MYPN: variants seen among roughly 807,000 people sequenced by gnomAD.
The protein encoded by MYPN is sarcomeric protein myopalladin, 145 kDa (MYOP).
In MYPN, 63 loss-of-function variants were observed where a neutral mutation model predicts 129.4. That is an observed-to-expected ratio of 0.49 (90% CI 0.40 to 0.60). The LOEUF (loss-of-function observed/expected upper bound fraction) is 0.60. Ranked by LOEUF, MYPN falls within the 20% of genes least tolerant of loss-of-function variation. The pLI is 0.00. For missense variants in MYPN, 1,596 were observed against 1,635.4 expected, an observed-to-expected ratio of 0.98 and a Z score of 0.42; for synonymous variants, 629 against 600.9, an observed-to-expected ratio of 1.05 and a Z score of -0.68.
intron 1 of MYPN, among the ~76,000 whole-genome samples, chr10:68,111,618 A>ATT: frequency 6.6e-6 from 1 of 152,252 alleles, no homozygotes; most frequent in Non-Finnish European, 1.5e-5. Context: ...TAGAGACTAA[A>ATT]TGGTCTGTTT....
intron 1 of MYPN, among the ~76,000 whole-genome samples, chr10:68,100,901 T>C (rs562769137): frequency 6.6e-6 from 1 of 150,644 alleles, no homozygotes; most frequent in Non-Finnish European, 1.5e-5. Flanking sequence ...TATTTTTGTG[T>C]TAAAAAAAAT....
At chr10:68,148,980 C>A (rs2042718769) in intron 5 of MYPN, among the ~76,000 whole-genome samples, 1 of 152,158 alleles carries the variant, frequency 6.6e-6, no homozygotes. Flanking sequence ...GATCTCAGCA[C>A]TTTGGGAGGC....
rs538835247 is a variant in MYPN at position 68,094,233 on chromosome 10, C to T, written c.-2+6241C>T. ...AATGCCTAATCTGCTGGGAATGCAG[C>T]CCAGCAGGTCTCGGCCTTATTTTAT... On this transcript the variant is annotated intron_variant, in intron 1 of 6. Coordinates refer to the MYPN transcript ENST00000685154. Among the ~76,000 whole-genome samples, 14 of 152,020 alleles carry T rather than the reference C, an allele frequency of 9.2e-5. No homozygotes were observed. In the South Asian group the frequency reaches 2.7e-3, roughly 29 times the overall value.
intron 4 of MYPN, among the ~76,000 whole-genome samples, chr10:68,147,594 A>C (rs1051355998): frequency 2.6e-5 from 4 of 152,148 alleles, no homozygotes; most frequent in African/African-American, 9.7e-5. Context: ...CCAAATCCCA[A>C]GTTCTCTTCA....
chr10:68,203,180 G>C (rs879557517), intron 18 of MYPN, among the ~76,000 whole-genome samples: 2 of 152,100 alleles, frequency 1.3e-5, no homozygotes, highest in Non-Finnish European at 2.9e-5. Flanking sequence ...GGGAGGAGGA[G>C]TGACTGAGAT....
intron 12 of MYPN, among the ~76,000 whole-genome samples, chr10:68,188,668 C>T (rs1461068986): frequency 6.6e-6 from 1 of 152,154 alleles, no homozygotes; most frequent in African/African-American, 2.4e-5. Flanking sequence ...TCTCCTGGGG[C>T]TGCATGCTCA....
chr10:68,102,350 A>G (rs2041985932), upstream of MYPN, among the ~76,000 whole-genome samples: 1 of 151,994 alleles, frequency 6.6e-6, no homozygotes, highest in East Asian at 1.9e-4. Context: ...GCTGGTCTCA[A>G]ACTCCTAGGC....
chr10:68,161,167 C>A (rs4746731), intron 7 of MYPN, among the ~76,000 whole-genome samples: 61,525 of 151,860 alleles, frequency 0.41, 14,281 homozygotes, highest in Non-Finnish European at 0.52. Flanking sequence ...CAAGTGAAAC[C>A]CAGATTTATT....
chr10:68,110,442 T>TAG (rs1458340944), intron 1 of MYPN, among the ~76,000 whole-genome samples: 1 of 152,186 alleles, frequency 6.6e-6, no homozygotes, highest in Non-Finnish European at 1.5e-5. Context: ...TATTATGTAT[T>TAG]TCCAGTCCTC....
chr10:68,105,679 C>G (rs1164275514), upstream of MYPN, among the ~76,000 whole-genome samples: 1 of 152,156 alleles, frequency 6.6e-6, no homozygotes, highest in Non-Finnish European at 1.5e-5. Flanking sequence ...ATTTAATCAC[C>G]TTAAAATTAG....
chr10:68,166,268 C>T (rs756239872), intron 9 of MYPN, 26 bp from the exon 10 acceptor site: 2 of 1,613,820 alleles, frequency 1.2e-6, no homozygotes, highest in Non-Finnish European at 1.7e-6. Context: ...TGGCTGACAG[C>T]TCAGGTCCTG....
chr10:68,141,219 A>G (rs1271669951), intron 2 of MYPN, among the ~76,000 whole-genome samples: 2 of 147,594 alleles, frequency 1.4e-5, no homozygotes, highest in South Asian at 4.3e-4. Context: ...AAATACAAAA[A>G]TTAGCTGGGC....
intron 12 of MYPN, among the ~76,000 whole-genome samples, chr10:68,187,085 T>C (rs2134250224): frequency 6.6e-6 from 1 of 152,076 alleles, no homozygotes; most frequent in Non-Finnish European, 1.5e-5. Flanking sequence ...AGAGTAACCA[T>C]TCAGGGCTGG....
intron 2 of MYPN, among the ~76,000 whole-genome samples, chr10:68,133,605 T>G (rs2042443287): frequency 6.6e-6 from 1 of 152,030 alleles, no homozygotes; most frequent in Admixed American, 6.6e-5. Context: ...AGAGGACTGT[T>G]GCAGCATAAG....
At position 68,197,474 on chromosome 10, in the gene MYPN, G is replaced by A. The variant is rs773648716; in HGVS notation, c.3281G>A (p.Cys1094Tyr). The A allele has an allele frequency of 5.0e-6, 8 of 1,613,576 alleles. No individual in the cohort carries two copies. The South Asian group carries it at 6.6e-5, about 13-fold the overall frequency. ...AHEGRLCRLD[C>Y]KVSGLPPPEL... The stretch of plus-strand genomic sequence containing the variant: ...GAGGGGCGCCTCTGTCGGCTGGACT[G>A]TAAGGTAGACTCCAGCACCCATGCT... The change falls in exon 16 of 20, where the codon TGT (cysteine) becomes TAT (tyrosine). Residue 1094 changes from cysteine to tyrosine, a missense_variant. Physicochemically the swap from Cys to Tyr is radical, Grantham distance 194. Coordinates refer to ENST00000358913, the MANE Select transcript of MYPN (RefSeq NM_032578.4).
chr10:68,166,509 GA>G lies in MYPN; in HGVS notation c.1817del (p.Asp606AlafsTer13), dbSNP rs761782344. 6.2e-7 allele frequency: 1 copy of G among 1,614,144 alleles called. No individual in the cohort carries two copies. The highest frequency in any genetic ancestry group is 1.7e-5 in the Admixed American group (1 of 60,018). ...TGTGCACTTCAACCTGCCTGAAGAT[GA>G]CAAAGGAAGTGAAGCATCCTCCGAG... is the stretch of plus-strand genomic sequence containing the variant. ...LRVHFNLPED[D>X]KGSEASSEAG... On this transcript the variant is annotated frameshift_variant, in exon 10 of 20. Coordinates refer to ENST00000358913, the MANE Select transcript of MYPN (RefSeq NM_032578.4). LOFTEE classifies it high-confidence loss of function.
intron 3 of MYPN, among the ~76,000 whole-genome samples, chr10:68,144,515 C>A (rs2042630218): frequency 6.6e-6 from 1 of 152,008 alleles, no homozygotes; most frequent in Non-Finnish European, 1.5e-5. Flanking sequence ...GTGTTTTTAT[C>A]CTCACATTTT....
At chr10:68,201,801 A>G (rs775263447) in intron 17 of MYPN, 28 bp from the exon 18 acceptor site, 3 of 1,611,420 alleles carry the variant, frequency 1.9e-6, no homozygotes, top group Non-Finnish European at 2.5e-6. Context: ...AAAAGAAAGA[A>G]AAAAAGAATG....
At position 68,211,241 on chromosome 10, in the gene MYPN, A is replaced by C; in HGVS notation, c.*786A>C. ...ATTGGTAATAAACCAATCAGAAAGA[A>C]ATCCTCTGTGGGGTCACTTTAAAAA... On this transcript the variant is annotated 3_prime_UTR_variant, in exon 20 of 20. Transcript: ENST00000358913. 1 of 454,120 alleles carries C rather than the reference A, an allele frequency of 2.2e-6. No individual in the cohort carries two copies. Among genetic ancestry groups the C allele is most frequent in the Non-Finnish European group, 4.4e-6 (1 of 226,788 alleles). 28.1% of individuals were successfully genotyped at this position (454,120 alleles called of 1,614,324 possible).
Sources: gnomAD v4.1 joint callset for allele counts (sites outside exome capture counted in the v4.1 genomes callset) on GRCh38, gnomAD v4.1.1 for gene constraint, MANE v1.5 for transcripts, NCBI Gene and HGNC (gene_info 2026-07-23, HGNC 2026-07-21) for gene names.